RTN4: variants seen among roughly 807,000 people sequenced by gnomAD.
RTN4 encodes reticulon-4.
A neutral mutation model predicts 90.4 loss-of-function variants in RTN4; 32 were observed. That is an observed-to-expected ratio of 0.35 (90% CI 0.27 to 0.48). The LOEUF is 0.48. Among genes scored for constraint, RTN4 ranks in the 20% least tolerant of loss-of-function variants. RTN4 has a pLI of 0.99. For synonymous variants in RTN4, 629 were observed against 552.5 expected (o/e 1.14, Z -1.94); for missense variants, 1,706 against 1,430.2 (o/e 1.19, Z -3.11).
intron 1 of RTN4, among the ~76,000 whole-genome samples, chr2:55,095,620 C>G (rs973258406): frequency 1.6e-4 from 24 of 152,174 alleles, no homozygotes; most frequent in Non-Finnish European, 3.1e-4. Context: ...GTCAAGTGGT[C>G]CTCCCACCTC....
At chr2:55,079,289 T>G (rs1668659898) in intron 2 of RTN4, among the ~76,000 whole-genome samples, 1 of 152,242 alleles carries the variant, frequency 6.6e-6, no homozygotes, top group South Asian at 2.1e-4. Context: ...TCATTGTGCC[T>G]GGGTGGTTAA....
chr2:55,098,159 T>A (rs1365014393), intron 1 of RTN4, among the ~76,000 whole-genome samples: 1 of 152,102 alleles, frequency 6.6e-6, no homozygotes, highest in African/African-American at 2.4e-5. Flanking sequence ...CATTTTCTTT[T>A]TCACCTGTTA....
intron 1 of RTN4, among the ~76,000 whole-genome samples, chr2:55,110,479 C>T (rs1011093196): frequency 2.0e-5 from 3 of 151,966 alleles, no homozygotes; most frequent in Non-Finnish European, 4.4e-5. Context: ...TCAAAACAAA[C>T]AGAACAATCA....
intron 2 of RTN4, among the ~76,000 whole-genome samples, chr2:55,063,583 T>C (rs1461735393): frequency 1.3e-5 from 2 of 152,034 alleles, no homozygotes; most frequent in African/African-American, 2.4e-5. Context: ...CACTGAATTA[T>C]GTTTTAGTTA....
intron 3 of RTN4, chr2:55,010,358 T>C: frequency 1.5e-6 from 2 of 1,332,956 alleles, no homozygotes; most frequent in South Asian, 2.2e-5. Context: ...CATTAATGCT[T>C]TCCTTCTATC....
At chr2:55,009,068 C>T (rs538543215) in intron 3 of RTN4, among the ~76,000 whole-genome samples, 5 of 152,174 alleles carry the variant, frequency 3.3e-5, no homozygotes, top group East Asian at 1.9e-4. Context: ...TTCACCTTTT[C>T]CCCACATCTT....
chr2:55,124,277 T>C, the RTN4 span, among the ~76,000 whole-genome samples: 2 of 152,208 alleles, frequency 1.3e-5, no homozygotes, highest in Non-Finnish European at 1.5e-5. Flanking sequence ...AGTTTCTCAG[T>C]CTTTCCGTCT....
chr2:55,108,087 C>T (rs1045213514), intron 1 of RTN4, among the ~76,000 whole-genome samples: 6 of 151,970 alleles, frequency 3.9e-5, no homozygotes, highest in Admixed American at 6.6e-5. Flanking sequence ...TCTCAACTAG[C>T]TGGGATTACA....
At chr2:55,077,454 A>T (rs545654153) in intron 2 of RTN4, among the ~76,000 whole-genome samples, 1 of 152,298 alleles carries the variant, frequency 6.6e-6, no homozygotes, top group South Asian at 2.1e-4. Context: ...ATAATCAAAA[A>T]ATCAAAAAAT....
At chr2:55,042,327 G>A (rs1395475884) in intron 1 of RTN4, among the ~76,000 whole-genome samples, 1 of 152,136 alleles carries the variant, frequency 6.6e-6, no homozygotes, top group East Asian at 1.9e-4. Context: ...TCCCAAAGAA[G>A]TGTATACAAG....
At chr2:55,010,673 C>T (rs1398262710) in intron 3 of RTN4, among the ~76,000 whole-genome samples, 3 of 152,098 alleles carry the variant, frequency 2.0e-5, no homozygotes, top group Admixed American at 6.5e-5. Flanking sequence ...TGATGAGTCT[C>T]CTTAATTGCT....
chr2:55,124,322 G>C, the RTN4 span, among the ~76,000 whole-genome samples: 1 of 152,158 alleles, frequency 6.6e-6, no homozygotes, highest in East Asian at 1.9e-4. Flanking sequence ...TTGTTACCTA[G>C]AAGCTCTCAC....
At chr2:54,978,491 A>G (rs1441691962) in intron 5 of RTN4, among the ~76,000 whole-genome samples, 4 of 151,124 alleles carry the variant, frequency 2.6e-5, no homozygotes, top group Admixed American at 6.6e-5. Flanking sequence ...CTAAAAATGT[A>G]GATATAAATT....
intron 2 of RTN4, among the ~76,000 whole-genome samples, chr2:55,061,353 C>T (rs1668288850): frequency 6.6e-6 from 1 of 152,088 alleles, no homozygotes; most frequent in African/African-American, 2.4e-5. Flanking sequence ...CGTGAGCCAC[C>T]AAGTTTTCCT....
At chr2:55,086,448 C>T (rs544697951) in intron 1 of RTN4, among the ~76,000 whole-genome samples, 5 of 151,760 alleles carry the variant, frequency 3.3e-5, no homozygotes, top group African/African-American at 1.2e-4. Flanking sequence ...ATTGTTTGTG[C>T]CCAGGAATTC....
intron 1 of RTN4, among the ~76,000 whole-genome samples, chr2:55,089,709 C>T (rs970498729): frequency 6.6e-6 from 1 of 152,258 alleles, no homozygotes. Context: ...ACTTGAGATA[C>T]AAGCCCACCT....
chr2:55,053,422 C>T (rs965286559), upstream of RTN4, among the ~76,000 whole-genome samples: 11 of 152,156 alleles, frequency 7.2e-5, no homozygotes, highest in Non-Finnish European at 7.4e-5. Context: ...CACCGTGACT[C>T]ATGCCTATAA....
chr2:55,104,227 CT>C (rs776727652), intron 1 of RTN4, among the ~76,000 whole-genome samples: 2 of 146,928 alleles, frequency 1.4e-5, no homozygotes, highest in Non-Finnish European at 1.5e-5. Flanking sequence ...ATCTTTTTTG[CT>C]TTTTTTTAAG....
rs895682547 is a variant in RTN4, at chr2:55,049,902, G to C, written c.399C>G (p.Leu133=). 1.7e-5 allele frequency: 23 copies of C among 1,331,126 alleles called. No individual in the cohort carries two copies. The South Asian group carries it at 4.1e-4, about 24-fold the overall frequency. 82.5% of individuals were successfully genotyped at this position (1,331,126 alleles called of 1,614,324 possible). The part of the protein sequence containing the change: ...LSAAAVSPSK[L]PEDDEPPARP... Reference sequence around the variant, plus strand: ...GGGCCGGAGGCTCGTCGTCCTCAGGGAGCTTGGAGGGCGAGACTGCGGCAG... The same window carrying C: ...GGGCCGGAGGCTCGTCGTCCTCAGGCAGCTTGGAGGGCGAGACTGCGGCAG... Residue 133 remains leucine, a synonymous_variant, in exon 1 of 9, where the codon CTC becomes CTG. Coordinates refer to ENST00000337526, the MANE Select transcript of RTN4 (RefSeq NM_020532.5).
Sources: gnomAD v4.1 joint callset for allele counts (sites outside exome capture counted in the v4.1 genomes callset) on GRCh38, gnomAD v4.1.1 for gene constraint, MANE v1.5 for transcripts, NCBI Gene and HGNC (gene_info 2026-07-23, HGNC 2026-07-21) for gene names.